The following DSCAM variants were observed in gnomAD, a reference collection of about 807,000 sequenced individuals.
DSCAM encodes cell adhesion molecule DSCAM.
A neutral mutation model predicts 217.7 loss-of-function variants in DSCAM; 47 were observed. That is an observed-to-expected ratio of 0.22 (90% CI 0.17 to 0.28). DSCAM has a LOEUF of 0.28. Among genes scored for constraint, DSCAM ranks in the 10% least tolerant of loss-of-function variants. The pLI is 1.00. For synonymous variants in DSCAM, 1,056 were observed against 1,015.3 expected, an observed-to-expected ratio of 1.04 and a Z score of -0.76; for missense variants, 2,080 against 2,618.3, an observed-to-expected ratio of 0.79 and a Z score of 4.49.
intron 3 of DSCAM, among the ~76,000 whole-genome samples, chr21:40,563,585 A>ATGTT (rs1279213044): frequency 5.4e-4 from 41 of 76,202 alleles, no homozygotes; most frequent in African/African-American, 1.3e-3. Flanking sequence ...TTATATGTTT[A>ATGTT]TATGTTTATA....
chr21:40,283,896 G>C (rs899258930), intron 10 of DSCAM, among the ~76,000 whole-genome samples: 5 of 151,648 alleles, frequency 3.3e-5, no homozygotes, highest in Non-Finnish European at 7.4e-5. Context: ...AAGAGTCGCA[G>C]GACCATGGAA....
At chr21:40,530,186 A>G (rs1038770595) in intron 3 of DSCAM, among the ~76,000 whole-genome samples, 3 of 152,198 alleles carry the variant, frequency 2.0e-5, no homozygotes, top group African/African-American at 7.2e-5. Context: ...CAAACTCAGT[A>G]CAAAGAAACA....
chr21:40,764,938 C>T (rs992925521), intron 1 of DSCAM, among the ~76,000 whole-genome samples: 6 of 151,926 alleles, frequency 3.9e-5, no homozygotes, highest in Middle Eastern at 3.4e-3. Flanking sequence ...CATCACACAC[C>T]GGGGCCTGTC....
chr21:40,372,646 G>A (rs560870549), intron 3 of DSCAM, among the ~76,000 whole-genome samples: 138 of 152,284 alleles, frequency 9.1e-4, no homozygotes, highest in Non-Finnish European at 1.5e-3. Flanking sequence ...CTCTGAGCTT[G>A]TCTTTATTAG....
intron 28 of DSCAM, among the ~76,000 whole-genome samples, chr21:40,058,093 C>G (rs1355615559): frequency 1.3e-5 from 2 of 152,022 alleles, no homozygotes; most frequent in African/African-American, 4.8e-5. Context: ...AGAATGGTCT[C>G]AATCTCCTGA....
intron 9 of DSCAM, among the ~76,000 whole-genome samples, chr21:40,309,661 C>T (rs2074116641): frequency 6.6e-6 from 1 of 152,156 alleles, no homozygotes; most frequent in South Asian, 2.1e-4. Context: ...TGTTATTAGG[C>T]AAAGCATGAT....
At chr21:40,481,280 G>A (rs1044105514) in intron 3 of DSCAM, among the ~76,000 whole-genome samples, 10 of 152,090 alleles carry the variant, frequency 6.6e-5, no homozygotes, top group African/African-American at 2.4e-4. Flanking sequence ...ACAAGGTCAG[G>A]AGATCGAGAC....
At chr21:40,833,290 C>G (rs186535623) in intron 1 of DSCAM, among the ~76,000 whole-genome samples, 3 of 152,236 alleles carry the variant, frequency 2.0e-5, no homozygotes, top group South Asian at 2.1e-4. Context: ...TCCAGTCCAG[C>G]CTTTGCCTGA....
At chr21:40,735,150 C>T (rs1369080803) in intron 1 of DSCAM, among the ~76,000 whole-genome samples, 1 of 152,224 alleles carries the variant, frequency 6.6e-6, no homozygotes, top group Non-Finnish European at 1.5e-5. Context: ...TACTGATCCA[C>T]GTGTTTTTCT....
rs1273152354 is a variant in DSCAM, at chr21:40,380,730, C to T, written c.509-11485G>A. Among the ~76,000 whole-genome samples, 5 of 152,252 alleles carry T rather than the reference C, an allele frequency of 3.3e-5. No individual in the cohort carries two copies. In the East Asian group the frequency reaches 9.7e-4, roughly 30 times the overall value. On this transcript the variant is annotated intron_variant, in intron 3 of 32. Coordinates refer to ENST00000400454, the MANE Select transcript of DSCAM (RefSeq NM_001389.5). ...AAAAGTATGTTTGAGGCGGGAAAAA[C>T]TGTGGCATATCCAAGGAACTGACAC...
intron 8 of DSCAM, among the ~76,000 whole-genome samples, chr21:40,331,891 T>C (rs2074381444): frequency 6.6e-6 from 1 of 152,180 alleles, no homozygotes; most frequent in Non-Finnish European, 1.5e-5. Flanking sequence ...ACTACCCTTC[T>C]CTATGAATTT....
chr21:40,254,351 A>G (rs925149233), intron 11 of DSCAM, among the ~76,000 whole-genome samples: 12 of 152,178 alleles, frequency 7.9e-5, no homozygotes, highest in African/African-American at 2.9e-4. Flanking sequence ...TGATATAAGG[A>G]AATAAGTAAA....
intron 11 of DSCAM, among the ~76,000 whole-genome samples, chr21:40,271,116 C>A (rs937180648): frequency 2.0e-5 from 3 of 152,246 alleles, no homozygotes. Flanking sequence ...TGAGTTGGTG[C>A]ATGCACATGT....
chr21:40,422,475 A>AAAT (rs2075434158), intron 3 of DSCAM, among the ~76,000 whole-genome samples: 1 of 151,392 alleles, frequency 6.6e-6, no homozygotes, highest in Admixed American at 6.6e-5. Context: ...ACTAAAAAAA[A>AAAT]ATATATATAT....
chr21:40,681,130 C>T (rs1052213867), intron 3 of DSCAM, among the ~76,000 whole-genome samples: 1 of 152,212 alleles, frequency 6.6e-6, no homozygotes, highest in Non-Finnish European at 1.5e-5. Context: ...ACTGATGAGT[C>T]GTTTGTCCAT....
chr21:40,815,899 G>A (rs1367908530), intron 1 of DSCAM, among the ~76,000 whole-genome samples: 1 of 152,196 alleles, frequency 6.6e-6, no homozygotes, highest in Admixed American at 6.5e-5. Context: ...ATCCTACACA[G>A]TGCCTGGCAT....
intron 3 of DSCAM, among the ~76,000 whole-genome samples, chr21:40,375,297 T>C (rs1339951360): frequency 1.3e-5 from 2 of 152,246 alleles, no homozygotes; most frequent in African/African-American, 2.4e-5. Flanking sequence ...TGCATGAGCA[T>C]TTAGCAATAT....
chr21:40,217,425 A>T (rs573755257), intron 11 of DSCAM, among the ~76,000 whole-genome samples: 3 of 152,104 alleles, frequency 2.0e-5, no homozygotes, highest in African/African-American at 7.2e-5. Context: ...TTTAACTTTT[A>T]TTTTAGGTTT....
At position 40,427,774 on chromosome 21, in the gene DSCAM, C is replaced by T. The variant is rs116358581; in HGVS notation, c.509-58529G>A. On this transcript the variant is annotated intron_variant, in intron 3 of 32. Transcript: ENST00000400454. ...ACACAAGCTAGGGAGGCTATGCTCA[C>T]GGCTGCCTGCCGCATGTGGCCTGGT... Among the ~76,000 whole-genome samples, 527 of 152,336 alleles carry T rather than the reference C, an allele frequency of 3.5e-3. 1 individual carries two copies. The highest frequency in any genetic ancestry group is 9.2e-3 in the African/African-American group (384 of 41,574).
Sources: allele counts gnomAD v4.1 joint callset (sites outside exome capture counted in the v4.1 genomes callset), GRCh38; gene constraint gnomAD v4.1.1; transcripts MANE v1.5; gene names NCBI Gene and HGNC (gene_info 2026-07-23, HGNC 2026-07-21).